The following EVC2 variants were observed in gnomAD, a reference collection of about 807,000 sequenced individuals.
EVC2 encodes EvC ciliary complex subunit 2.
A neutral mutation model predicts 149.3 loss-of-function variants in EVC2; 148 were observed. That is an observed-to-expected ratio of 0.99 (90% CI 0.87 to 1.14). EVC2 has a LOEUF of 1.14. Among genes scored for constraint, EVC2 ranks in the 50% most tolerant of loss-of-function variants. The probability of loss-of-function intolerance (pLI) is 0.00; values close to 1 mark genes in which losing one functional copy is unlikely to be tolerated. For missense variants in EVC2, 1,854 were observed against 1,627.3 expected, an observed-to-expected ratio of 1.14 and a Z score of -2.40; for synonymous variants, 776 against 649.9, an observed-to-expected ratio of 1.19 and a Z score of -2.95.
At chr4:5,662,961 CA>C in intron 9 of EVC2, 145 bp downstream of exon 9, 1 of 1,051,676 alleles carries the variant, frequency 9.5e-7, no homozygotes, top group Non-Finnish European at 1.4e-6. Context: ...GCCAAACATT[CA>C]GTGCATAGCA....
intron 16 of EVC2, among the ~76,000 whole-genome samples, chr4:5,585,922 T>C (rs1712240064): frequency 6.6e-6 from 1 of 152,152 alleles, no homozygotes; most frequent in Non-Finnish European, 1.5e-5. Context: ...AGTGCAGTGG[T>C]GCAATCTTGG....
chr4:5,597,517 AC>A (rs1394865465), intron 16 of EVC2, among the ~76,000 whole-genome samples: 4 of 150,608 alleles, frequency 2.7e-5, no homozygotes, highest in Non-Finnish European at 4.5e-5. Flanking sequence ...AAATTCAACA[AC>A]CCTTCATGCT....
At chr4:5,689,983 A>G (rs1403922547) in intron 4 of EVC2, among the ~76,000 whole-genome samples, 1 of 152,218 alleles carries the variant, frequency 6.6e-6, no homozygotes, top group Non-Finnish European at 1.5e-5. Flanking sequence ...GGAGCCAGAA[A>G]AAAGAGAAGG....
intron 10 of EVC2, among the ~76,000 whole-genome samples, chr4:5,638,625 G>A (rs1011192479): frequency 2.6e-5 from 4 of 151,990 alleles, no homozygotes; most frequent in Non-Finnish European, 5.9e-5. Flanking sequence ...AAAAAGATAT[G>A]CCTAGATCCT....
Position 5,657,287 on chromosome 4 carries a change from C to G in EVC2, c.1145+5820G>C, listed in dbSNP as rs1038169225. On this transcript the variant is annotated intron_variant, in intron 9 of 21. Coordinates refer to ENST00000344408, the MANE Select transcript of EVC2 (RefSeq NM_147127.5). The surrounding 1 kb of genome is among the most constrained non-coding windows in gnomAD (Gnocchi z 4.7). ...CACCTTGAACTTCATTGAGAAGCAT[C>G]TGACAGGTTCATCCCATGTTCCCTC... 6.6e-6 allele frequency among the ~76,000 whole-genome samples: 1 copy of G among 152,150 alleles called. No individual in the cohort carries two copies. Among genetic ancestry groups the G allele is most frequent in the African/African-American group, 2.4e-5 (1 of 41,424 alleles).
chr4:5,692,815 C>T (rs1283122865), intron 3 of EVC2, among the ~76,000 whole-genome samples: 3 of 138,288 alleles, frequency 2.2e-5, no homozygotes, highest in Admixed American at 8.1e-5. Flanking sequence ...TGCAGTGAGC[C>T]GAGATTGCGC....
chr4:5,653,038 T>G (rs1248143735), intron 9 of EVC2, among the ~76,000 whole-genome samples: 1 of 152,212 alleles, frequency 6.6e-6, no homozygotes, highest in East Asian at 1.9e-4. Context: ...AGCTCGGTGT[T>G]GCCAGCAACC....
the EVC2 span, among the ~76,000 whole-genome samples, chr4:5,530,524 CGTGTGTGT>C: frequency 6.6e-6 from 1 of 151,242 alleles, no homozygotes; most frequent in South Asian, 2.1e-4. Flanking sequence ...ACAGTTACCG[CGTGTGTGT>C]GTGTGTGTGG....
At position 5,595,151 on chromosome 4, in the gene EVC2, A is replaced by G. The variant is rs572766722; in HGVS notation, c.2830-10301T>C. Among the ~76,000 whole-genome samples, 79 of 152,340 alleles carry G rather than the reference A, an allele frequency of 5.2e-4. 1 individual carries two copies. Among genetic ancestry groups the G allele is most frequent in the African/African-American group, 1.8e-3 (75 of 41,582 alleles). On this transcript the variant is annotated intron_variant, in intron 16 of 21. Transcript: ENST00000344408. ...CAAGTTGGAAAACACTCTGAAGGAT[A>G]TTATCCAGGAGAACTTCCCCAATCT...
chr4:5,604,662 G>A (rs1045003249), intron 16 of EVC2, among the ~76,000 whole-genome samples: 4 of 151,974 alleles, frequency 2.6e-5, no homozygotes, highest in Non-Finnish European at 4.4e-5. Flanking sequence ...TAATAACAAA[G>A]TATTTTCTAT....
At chr4:5,581,381 T>G (rs148315001) in intron 17 of EVC2, among the ~76,000 whole-genome samples, 13 of 152,308 alleles carry the variant, frequency 8.5e-5, no homozygotes, top group Non-Finnish European at 1.6e-4. Context: ...GATTGTGATA[T>G]GGACAATGAA....
intron 3 of EVC2, among the ~76,000 whole-genome samples, chr4:5,693,651 T>C (rs990595178): frequency 7.2e-5 from 11 of 152,238 alleles, no homozygotes; most frequent in South Asian, 2.1e-4. Context: ...TTTGTGGTCA[T>C]TTGTGACAGC....
intron 6 of EVC2, 41 bp from the exon 7 acceptor site, chr4:5,681,354 G>C: frequency 2.5e-6 from 4 of 1,607,382 alleles, no homozygotes; most frequent in Non-Finnish European, 3.4e-6. Flanking sequence ...CAACAGTTTG[G>C]GGTCTGACAC....
chr4:5,672,513 C>T (rs760325855), intron 7 of EVC2, among the ~76,000 whole-genome samples: 5 of 152,134 alleles, frequency 3.3e-5, no homozygotes, highest in Non-Finnish European at 5.9e-5. Context: ...CAGGAGGCAA[C>T]GGGACACGCC....
chr4:5,692,673 C>T (rs527733661), intron 3 of EVC2, among the ~76,000 whole-genome samples: 80 of 151,488 alleles, frequency 5.3e-4, no homozygotes, highest in African/African-American at 1.9e-3. Context: ...CGAGACCATC[C>T]TGGCTAACAA....
At chr4:5,536,052 T>C in the EVC2 span, among the ~76,000 whole-genome samples, 1 of 151,978 alleles carries the variant, frequency 6.6e-6, no homozygotes, top group African/African-American at 2.4e-5. Flanking sequence ...TGGATTCCTG[T>C]GCTTGGAATT....
intron 19 of EVC2, among the ~76,000 whole-genome samples, chr4:5,570,872 T>C (rs904335208): frequency 7.4e-4 from 112 of 152,288 alleles, no homozygotes; most frequent in African/African-American, 2.6e-3. Flanking sequence ...GAGGCCATTA[T>C]TCTAAGTGAA....
intron 11 of EVC2, 79 bp downstream of exon 11, chr4:5,631,714 C>G: frequency 6.3e-7 from 1 of 1,583,346 alleles, no homozygotes; most frequent in Non-Finnish European, 8.6e-7. Context: ...AGAGGCAGGA[C>G]TGAACTCTGA....
At chr4:5,605,870 C>A (rs1472752944) in intron 16 of EVC2, among the ~76,000 whole-genome samples, 1 of 152,224 alleles carries the variant, frequency 6.6e-6, no homozygotes. Flanking sequence ...TTTGACATCT[C>A]CCCCTCAGGT....
Sources: gnomAD v4.1 joint callset for allele counts (sites outside exome capture counted in the v4.1 genomes callset) on GRCh38, gnomAD v4.1.1 for gene constraint, Gnocchi (gnomAD v3.1) non-coding constraint, MANE v1.5 for transcripts, NCBI Gene and HGNC (gene_info 2026-07-23, HGNC 2026-07-21) for gene names.